Variants in HYKK observed in about 807,000 individuals in gnomAD.
HYKK encodes hydroxylysine kinase.
Under a neutral mutation model 29.7 loss-of-function variants are expected in HYKK, and 19 were observed. That is an observed-to-expected ratio of 0.64 (90% CI 0.45 to 0.94). The LOEUF is 0.94. Ranked by LOEUF, HYKK falls within the 40% of genes least tolerant of loss-of-function variation. The pLI, the probability that HYKK is intolerant of heterozygous loss-of-function variation, is 0.00. For missense variants in HYKK, 390 were observed against 443.4 expected, an observed-to-expected ratio of 0.88 and a Z score of 1.08; for synonymous variants, 152 against 158.1, an observed-to-expected ratio of 0.96 and a Z score of 0.29.
intron 3 of HYKK, among the ~76,000 whole-genome samples, chr15:78,526,846 G>A (rs969414520): frequency 6.6e-6 from 1 of 152,146 alleles, no homozygotes; most frequent in Non-Finnish European, 1.5e-5. Context: ...AAGTAAATGG[G>A]GCAAGTCAAT....
At chr15:78,527,783 T>A in intron 4 of HYKK, 1 of 1,266,596 alleles carries the variant, frequency 7.9e-7, no homozygotes, top group Non-Finnish European at 1.0e-6. Context: ...TTCTTCCCAT[T>A]AAATTTGCAC....
intron 1 of HYKK, among the ~76,000 whole-genome samples, chr15:78,511,287 C>A (rs1189226893): frequency 6.6e-6 from 1 of 152,122 alleles, no homozygotes; most frequent in African/African-American, 2.4e-5. Context: ...TATTTGGTTC[C>A]TGAAGCATGT....
chr15:78,525,729 C>CCAGGTGGT (rs1436645907), intron 3 of HYKK, among the ~76,000 whole-genome samples: 15 of 151,330 alleles, frequency 9.9e-5, no homozygotes, highest in African/African-American at 3.6e-4. Context: ...GAACTCCTGA[C>CCAGGTGGT]CTCAAATGAT....
chr15:78,518,127 C>T (rs928310730), intron 3 of HYKK, among the ~76,000 whole-genome samples: 2 of 152,232 alleles, frequency 1.3e-5, no homozygotes, highest in African/African-American at 4.8e-5. Flanking sequence ...CCTGGGTCTT[C>T]CCTCTCTGCA....
At chr15:78,508,898 A>G (rs901732099) in intron 1 of HYKK, among the ~76,000 whole-genome samples, 6 of 148,616 alleles carry the variant, frequency 4.0e-5, no homozygotes, top group African/African-American at 1.5e-4. Flanking sequence ...AAAAAAAAAA[A>G]AAGGCCAGGC....
At chr15:78,518,440 G>A (rs1001477828) in intron 3 of HYKK, 4 of 308,240 alleles carry the variant, frequency 1.3e-5, no homozygotes, top group Admixed American at 1.2e-4. Flanking sequence ...TTCCCAAAGT[G>A]CTGGGATTAT....
rs1375336521 is a variant in HYKK at position 78,516,642 on chromosome 15, A to C, written c.477+1535A>C. Among the ~76,000 whole-genome samples, 3 of 151,942 alleles carry C rather than the reference A, an allele frequency of 2.0e-5. No individual in the cohort carries two copies. In the East Asian group the frequency reaches 5.8e-4, roughly 30 times the overall value. On this transcript the variant is annotated intron_variant, in intron 3 of 4. Coordinates refer to ENST00000388988, the MANE Select transcript of HYKK (RefSeq NM_001013619.4). ...TGGGATGACAGGCATGAGCTACCCC[A>C]TGCCTAGCCAGGGGATTGGTCTTTG...
chr15:78,524,833 A>G (rs933408145), intron 3 of HYKK, among the ~76,000 whole-genome samples: 1 of 152,020 alleles, frequency 6.6e-6, no homozygotes, highest in African/African-American at 2.4e-5. Context: ...AAACAACAAC[A>G]ACAAAAAACA....
intron 3 of HYKK, among the ~76,000 whole-genome samples, chr15:78,527,018 G>A (rs1380768179): frequency 6.6e-6 from 1 of 152,012 alleles, no homozygotes; most frequent in East Asian, 1.9e-4. Context: ...GCTCACACCT[G>A]TAATCCCAGC....
At chr15:78,517,327 C>T (rs2052146504) in intron 3 of HYKK, among the ~76,000 whole-genome samples, 1 of 152,066 alleles carries the variant, frequency 6.6e-6, no homozygotes, top group East Asian at 1.9e-4. Flanking sequence ...GTAATCCCAG[C>T]ACTTTGGGAG....
chr15:78,526,562 C>A (rs1301830089), intron 3 of HYKK, among the ~76,000 whole-genome samples: 2 of 152,106 alleles, frequency 1.3e-5, no homozygotes, highest in African/African-American at 2.4e-5. Flanking sequence ...AAGCAAAAGG[C>A]TGTGAGGTGG....
downstream of HYKK, among the ~76,000 whole-genome samples, chr15:78,536,867 T>A (rs1596037805): frequency 6.6e-6 from 1 of 152,276 alleles, no homozygotes; most frequent in African/African-American, 2.4e-5. Context: ...CTCACCAATA[T>A]GGGTGGGCAC....
At chr15:78,526,783 C>T (rs903643387) in intron 3 of HYKK, among the ~76,000 whole-genome samples, 13 of 152,162 alleles carry the variant, frequency 8.5e-5, no homozygotes, top group African/African-American at 3.1e-4. Flanking sequence ...GGAATGTGCT[C>T]CCCAAACTGA....
In HYKK at chr15:78,535,117, C is replaced by T. The variant is rs975324394; in HGVS notation, c.*1447C>T. On this transcript the variant is annotated 3_prime_UTR_variant, in exon 5 of 5. Coordinates refer to ENST00000388988, the MANE Select transcript of HYKK (RefSeq NM_001013619.4). ...GTCTAGAACCCTGGCCATTCAAATA[C>T]TCAATAGTTATCTTTCTATATATAT... 3 of 152,112 alleles carry T rather than the reference C, an allele frequency of 2.0e-5. No homozygotes were observed. Among genetic ancestry groups the T allele is most frequent in the African/African-American group, 7.2e-5 (3 of 41,406 alleles). The allele number at this position is 152,112 out of a possible 1,614,324, so 9.4% of individuals were successfully genotyped here.
chr15:78,516,498 A>T (rs964801383), intron 3 of HYKK, among the ~76,000 whole-genome samples: 6 of 151,924 alleles, frequency 3.9e-5, no homozygotes, highest in African/African-American at 1.2e-4. Flanking sequence ...GGCGTGTGCC[A>T]CCACACCCAT....
rs893400355 is a variant in HYKK at position 78,507,595 on chromosome 15, G to C, written c.-82G>C. On this transcript the variant is annotated 5_prime_UTR_variant, in exon 1 of 5. Coordinates refer to ENST00000388988, the MANE Select transcript of HYKK (RefSeq NM_001013619.4). ...GCTGCGGCCCCTGCTCTACCTCCTA[G>C]CGCCGGTGCGCGGCCGAGGCCGCAC... The C allele has an allele frequency of 2.0e-5, 3 of 152,416 alleles. No homozygotes were observed. The highest frequency in any genetic ancestry group is 6.5e-5 in the Admixed American group (1 of 15,292). The allele number at this position is 152,416 out of a possible 1,614,324, so 9.4% of individuals were successfully genotyped here. A position where few individuals can be genotyped will look rare whatever the true frequency, so the allele number is the denominator to read the frequency against.
intron 2 of HYKK, among the ~76,000 whole-genome samples, chr15:78,513,627 T>C (rs929580773): frequency 1.3e-5 from 2 of 152,190 alleles, no homozygotes; most frequent in East Asian, 1.9e-4. Flanking sequence ...AAAGTGGTGA[T>C]TGGTCCTCTG....
chr15:78,518,251 G>A (rs1019951429), intron 3 of HYKK, among the ~76,000 whole-genome samples: 2 of 152,112 alleles, frequency 1.3e-5, no homozygotes, highest in African/African-American at 2.4e-5. Context: ...GCAGTGGCAC[G>A]ATCTCAGCTC....
intron 4 of HYKK, among the ~76,000 whole-genome samples, chr15:78,531,711 A>C (rs201073594): frequency 6.6e-6 from 1 of 152,098 alleles, no homozygotes; most frequent in East Asian, 1.9e-4. Flanking sequence ...TTGTATTTTT[A>C]ATAGAAACAG....
Sources: gnomAD v4.1 joint callset for allele counts (sites outside exome capture counted in the v4.1 genomes callset) on GRCh38, gnomAD v4.1.1 for gene constraint, MANE v1.5 for transcripts, NCBI Gene and HGNC (gene_info 2026-07-23, HGNC 2026-07-21) for gene names.